Variants in WDFY3 observed in about 807,000 individuals in gnomAD.
WDFY3 encodes WD repeat and FYVE domain-containing protein 3.
A neutral mutation model predicts 409.6 loss-of-function variants in WDFY3; 66 were observed. That is an observed-to-expected ratio of 0.16 (90% CI 0.13 to 0.20). The LOEUF is 0.20. WDFY3 is among the 10% of genes least tolerant of loss of function. WDFY3 has a pLI of 1.00. For missense variants in WDFY3, 3,031 were observed against 4,298.1 expected (o/e 0.71, Z 8.24); for synonymous variants, 1,521 against 1,537.1 (o/e 0.99, Z 0.25).
chr4:84,797,364 A>G (rs1749640715), intron 18 of WDFY3, among the ~76,000 whole-genome samples: 1 of 152,142 alleles, frequency 6.6e-6, no homozygotes, highest in African/African-American at 2.4e-5. Context: ...GATTGTCATT[A>G]TCTCTCCAGG....
intron 51 of WDFY3, among the ~76,000 whole-genome samples, chr4:84,710,864 TC>T (rs1237946306): frequency 2.0e-5 from 3 of 152,164 alleles, no homozygotes; most frequent in Non-Finnish European, 2.9e-5. Flanking sequence ...ATCTTTCACT[TC>T]CTGTATTTAT....
At chr4:84,892,195 G>A (rs1296654698) in intron 3 of WDFY3, among the ~76,000 whole-genome samples, 2 of 151,252 alleles carry the variant, frequency 1.3e-5, no homozygotes, top group Non-Finnish European at 3.0e-5. Context: ...TGTATCCATG[G>A]GATCTAAACA....
intron 7 of WDFY3, 47 bp from the exon 8 acceptor site, chr4:84,831,652 A>G (rs1241357735): frequency 1.3e-6 from 2 of 1,515,610 alleles, no homozygotes; most frequent in Admixed American, 3.8e-5. Context: ...GCAAAAATCA[A>G]ATAATCTGAT....
At chr4:84,830,313 T>G (rs1755515857) in intron 8 of WDFY3, among the ~76,000 whole-genome samples, 1 of 152,174 alleles carries the variant, frequency 6.6e-6, no homozygotes, top group East Asian at 1.9e-4. Flanking sequence ...ATATAAGCAT[T>G]GTTTTCCACT....
At chr4:84,784,559 C>T (rs911724779) in intron 24 of WDFY3, among the ~76,000 whole-genome samples, 4 of 151,742 alleles carry the variant, frequency 2.6e-5, no homozygotes, top group African/African-American at 9.7e-5. Context: ...TACCTTGAGC[C>T]GGGTGGGATG....
At chr4:84,790,974 A>G (rs1748417071) in intron 21 of WDFY3, among the ~76,000 whole-genome samples, 1 of 152,228 alleles carries the variant, frequency 6.6e-6, no homozygotes, top group African/African-American at 2.4e-5. Context: ...GTTGGCAAGA[A>G]TGTGGAGAAA....
At chr4:84,926,844 CAG>C (rs1770060043) in intron 2 of WDFY3, among the ~76,000 whole-genome samples, 1 of 152,148 alleles carries the variant, frequency 6.6e-6, no homozygotes, top group Non-Finnish European at 1.5e-5. Context: ...ATCAATTCAA[CAG>C]AGTTTTTTCT....
chr4:84,716,404 A>G (rs1560587025), intron 49 of WDFY3, among the ~76,000 whole-genome samples: 12 of 144,566 alleles, frequency 8.3e-5, no homozygotes, highest in Non-Finnish European at 3.0e-5. Context: ...GTGCCACTGC[A>G]CTCTAGCCTG....
intron 4 of WDFY3, among the ~76,000 whole-genome samples, chr4:84,853,215 T>G (rs1759274425): frequency 6.6e-6 from 1 of 152,252 alleles, no homozygotes; most frequent in Non-Finnish European, 1.5e-5. Flanking sequence ...TTGCCCAGGC[T>G]GGAGTGGTGC....
intron 32 of WDFY3, among the ~76,000 whole-genome samples, 195 bp from the exon 33 acceptor site, chr4:84,757,356 C>G (rs1741644773): frequency 1.3e-5 from 2 of 152,146 alleles, no homozygotes; most frequent in South Asian, 4.1e-4. Flanking sequence ...TTGACTTTAG[C>G]AAACCTGTCT....
At chr4:84,685,145 G>A (rs1728086619) in intron 62 of WDFY3, among the ~76,000 whole-genome samples, 1 of 152,112 alleles carries the variant, frequency 6.6e-6, no homozygotes, top group Admixed American at 6.5e-5. Flanking sequence ...GAAAAGACCT[G>A]GTAAAGTTCA....
intron 56 of WDFY3, 70 bp downstream of exon 56, chr4:84,702,283 G>C: frequency 6.9e-7 from 1 of 1,459,460 alleles, no homozygotes; most frequent in Non-Finnish European, 9.1e-7. Flanking sequence ...ACAATCTTCA[G>C]AGAAGTGACT....
chr4:84,899,711 A>C lies in WDFY3; in HGVS notation c.-131-2701T>G, dbSNP rs577718322. ...TAAAATACTTCATCCAGTCCTCTACAGAAAAAGTTTTCTGACCCTGGCACT... is the reference window on the plus strand; with the variant it reads ...TAAAATACTTCATCCAGTCCTCTACCGAAAAAGTTTTCTGACCCTGGCACT... On this transcript the variant is annotated intron_variant, in intron 2 of 67. Coordinates refer to ENST00000295888, the MANE Select transcript of WDFY3 (RefSeq NM_014991.6). Among the ~76,000 whole-genome samples the C allele has an allele frequency of 2.6e-5, 4 of 152,260 alleles. No individual in the cohort carries two copies. The South Asian group carries it at 8.3e-4, about 32-fold the overall frequency.
chr4:84,868,042 G>A (rs1272324476), intron 3 of WDFY3, among the ~76,000 whole-genome samples: 1 of 151,530 alleles, frequency 6.6e-6, no homozygotes, highest in African/African-American at 2.4e-5. Context: ...GGTGTCATGC[G>A]CCTGTAGTCC....
At chr4:84,676,602 A>T (rs1026716731) in intron 67 of WDFY3, among the ~76,000 whole-genome samples, 1 of 152,152 alleles carries the variant, frequency 6.6e-6, no homozygotes, top group African/African-American at 2.4e-5. Flanking sequence ...AATAGAAAAA[A>T]AAAAACCCTG....
At chr4:84,944,869 C>T (rs1011254062) in intron 1 of WDFY3, among the ~76,000 whole-genome samples, 8 of 152,008 alleles carry the variant, frequency 5.3e-5, no homozygotes, top group Non-Finnish European at 1.0e-4. Context: ...GTTTTGGGAA[C>T]TTATAGAATA....
intron 4 of WDFY3, among the ~76,000 whole-genome samples, chr4:84,858,328 G>T (rs528827178): frequency 6.6e-6 from 1 of 152,134 alleles, no homozygotes; most frequent in Admixed American, 6.6e-5. Flanking sequence ...TTACGAGGAA[G>T]AAGAGAGATA....
chr4:84,760,931 T>C (rs1346665039), intron 32 of WDFY3, among the ~76,000 whole-genome samples: 2 of 147,454 alleles, frequency 1.4e-5, no homozygotes, highest in East Asian at 4.0e-4. Flanking sequence ...CTGCTTTCTC[T>C]TGTGGGCATT....
In WDFY3 at chr4:84,669,828, C is replaced by T. The variant is rs1428474591; in HGVS notation, c.*3040G>A. ...TCTTCAATTTACTTCTGTTGCTGTA[C>T]AAATAATTGGCCATTACTAGGGCTT... On this transcript the variant is annotated 3_prime_UTR_variant, in exon 68 of 68. Coordinates refer to ENST00000295888, the MANE Select transcript of WDFY3 (RefSeq NM_014991.6). The T allele has an allele frequency of 6.6e-6, 1 of 151,650 alleles. No individual in the cohort carries two copies. The highest frequency in any genetic ancestry group is 1.5e-5 in the Non-Finnish European group (1 of 67,912). 9.4% of individuals were successfully genotyped at this position (151,650 alleles called of 1,614,324 possible). A position where few individuals can be genotyped will look rare whatever the true frequency, so the allele number is the denominator to read the frequency against.
Sources: allele counts gnomAD v4.1 joint callset (sites outside exome capture counted in the v4.1 genomes callset), GRCh38; gene constraint gnomAD v4.1.1; transcripts MANE v1.5; gene names NCBI Gene and HGNC (gene_info 2026-07-23, HGNC 2026-07-21).